Variants in FLRT1 observed in about 807,000 individuals in gnomAD.
FLRT1 encodes leucine-rich repeat transmembrane protein FLRT1.
A neutral mutation model predicts 30.9 loss-of-function variants in FLRT1; 14 were observed. That is an observed-to-expected ratio of 0.45 (90% confidence interval 0.30 to 0.71). The LOEUF (loss-of-function observed/expected upper bound fraction) is 0.71. Ranked by LOEUF, FLRT1 falls within the 30% of genes least tolerant of loss-of-function variation. FLRT1 has a pLI of 0.08. For synonymous variants in FLRT1, 368 were observed against 430.4 expected, an observed-to-expected ratio of 0.85 and a Z score of 1.80; for missense variants, 737 against 949.2, an observed-to-expected ratio of 0.78 and a Z score of 2.94.
At chr11:64,040,424 C>A (rs320144) in intron 1 of FLRT1, among the ~76,000 whole-genome samples, 8 of 152,196 alleles carry the variant, frequency 5.3e-5, no homozygotes, top group African/African-American at 1.7e-4. Context: ...TCAAGGCACC[C>A]GGCCAGGGCT....
At chr11:64,114,931 G>A (rs1225871258) in intron 2 of FLRT1, among the ~76,000 whole-genome samples, 1 of 152,214 alleles carries the variant, frequency 6.6e-6, no homozygotes, top group East Asian at 1.9e-4. Context: ...AGCAGCTCAG[G>A]AATAGAGAAG....
intron 2 of FLRT1, among the ~76,000 whole-genome samples, chr11:64,111,240 A>C (rs1023836336): frequency 2.0e-5 from 3 of 152,214 alleles, no homozygotes; most frequent in African/African-American, 7.2e-5. Context: ...ACTGCTCAGA[A>C]CAGCTGAGTA....
chr11:64,106,771 T>C (rs982660520), intron 2 of FLRT1, among the ~76,000 whole-genome samples: 1 of 152,250 alleles, frequency 6.6e-6, no homozygotes, highest in African/African-American at 2.4e-5. Context: ...TCTGGAGGAC[T>C]GTCCCCAGCC....
intron 1 of FLRT1, among the ~76,000 whole-genome samples, chr11:64,094,414 G>C (rs1268283042): frequency 6.7e-6 from 1 of 149,746 alleles, no homozygotes; most frequent in East Asian, 2.0e-4. Context: ...CTGGGCGACA[G>C]AGTGAGACTC....
chr11:64,088,465 G>A (rs1173994135), intron 1 of FLRT1, among the ~76,000 whole-genome samples: 1 of 152,180 alleles, frequency 6.6e-6, no homozygotes, highest in African/African-American at 2.4e-5. Context: ...CTGGGGCAGG[G>A]CAGGCGCTCA....
At chr11:64,087,620 C>T (rs1197430698) in intron 1 of FLRT1, among the ~76,000 whole-genome samples, 4 of 152,190 alleles carry the variant, frequency 2.6e-5, no homozygotes, top group Admixed American at 6.5e-5. Flanking sequence ...TGGCCTTGCC[C>T]GCGGCCCCAG....
Position 64,116,925 on chromosome 11 carries a change from G to A in FLRT1, c.658G>A (p.Gly220Ser), listed in dbSNP as rs1275778996. The A allele has an allele frequency of 3.1e-6, 5 of 1,611,422 alleles. No individual in the cohort carries two copies. The highest frequency in any genetic ancestry group is 4.2e-6 in the Non-Finnish European group (5 of 1,180,014). ...CACCATCCCGCTGCATGCCTTCAAG[G>A]GCCTCAACAGCCTGCGGCGCCTGGT... is the stretch of plus-strand genomic sequence containing the variant. Reference protein sequence around the residue: ...ISTIPLHAFKGLNSLRRLVLD... With the variant: ...ISTIPLHAFKSLNSLRRLVLD... The change falls in exon 3 of 3, where the codon GGC (glycine) becomes AGC (serine). Residue 220 changes from glycine (G) to serine (S), a missense_variant. Coordinates refer to ENST00000682287, the MANE Select transcript of FLRT1 (RefSeq NM_013280.5).
In FLRT1 at chr11:64,118,185, CCCTCCAACGGCAGCAG is replaced by C. The variant is rs1379541651; in HGVS notation, c.1923_1938del (p.Asn642AlafsTer23). ...AGAGTACGTGGTCCACACTATCTTC[CCCTCCAACGGCAGCAG>C]CCTCTGCAAGGCCACACACACCATT... is the stretch of plus-strand genomic sequence containing the variant. On this transcript the variant is annotated frameshift_variant, in exon 3 of 3. Transcript: ENST00000682287. LOFTEE classifies it high-confidence loss of function. The C allele has an allele frequency of 6.2e-7, 1 of 1,613,456 alleles. No homozygotes were observed. Among genetic ancestry groups the C allele is most frequent in the Non-Finnish European group, 8.5e-7 (1 of 1,179,974 alleles).
chr11:64,037,658 T>C (rs1273459218), intron 1 of FLRT1, among the ~76,000 whole-genome samples: 1 of 152,080 alleles, frequency 6.6e-6, no homozygotes, highest in Non-Finnish European at 1.5e-5. Flanking sequence ...TGTGTGTGTG[T>C]GTGCGCACCC....
At chr11:64,054,714 A>T (rs1170762471) in intron 1 of FLRT1, among the ~76,000 whole-genome samples, 1 of 152,058 alleles carries the variant, frequency 6.6e-6, no homozygotes, top group Non-Finnish European at 1.5e-5. Context: ...TCTTGCTCCC[A>T]AATCAACAAA....
intron 1 of FLRT1, among the ~76,000 whole-genome samples, chr11:64,061,250 G>A (rs1943897619): frequency 6.6e-6 from 1 of 152,216 alleles, no homozygotes; most frequent in Admixed American, 6.5e-5. Flanking sequence ...GCGATCACGC[G>A]GTGTAATTGC....
At chr11:64,114,356 G>GTGGACAGATGGATGGATGC (rs1944930330) in intron 2 of FLRT1, among the ~76,000 whole-genome samples, 2 of 110,610 alleles carry the variant, frequency 1.8e-5, no homozygotes, top group Non-Finnish European at 4.5e-5. Flanking sequence ...TGGATGGATG[G>GTGGACAGATGGATGGATGC]ATGGACAGGT....
chr11:64,064,903 T>C lies in FLRT1; in HGVS notation c.-1038+28744T>C, dbSNP rs2134447002. ...GATGAGTGCTTCCAGAGCCCACCTA[T>C]GACGTGCCAGGCAAGGCGGCAGGCA... On this transcript the variant is annotated intron_variant, in intron 1 of 2. Coordinates refer to ENST00000682287, the MANE Select transcript of FLRT1 (RefSeq NM_013280.5). This position sits in a 1 kb window ranked among gnomAD's most constrained non-coding sequence, Gnocchi z 4.5. Among the ~76,000 whole-genome samples, 1 of 152,222 alleles carries C rather than the reference T, an allele frequency of 6.6e-6. No homozygotes were observed. The highest frequency in any genetic ancestry group is 2.4e-5 in the African/African-American group (1 of 41,556).
chr11:64,059,899 A>G (rs1188100883), intron 1 of FLRT1, among the ~76,000 whole-genome samples: 2 of 151,622 alleles, frequency 1.3e-5, no homozygotes. Flanking sequence ...CGAGGAGGCG[A>G]GGCGAGGCTG....
intron 1 of FLRT1, among the ~76,000 whole-genome samples, chr11:64,054,601 C>G (rs76873326): frequency 0.028 from 4,337 of 152,240 alleles, 203 homozygotes; most frequent in African/African-American, 0.097. Context: ...GGGCAAGCCA[C>G]GGTTCCTGGG....
intron 1 of FLRT1, among the ~76,000 whole-genome samples, chr11:64,049,942 T>G (rs887364509): frequency 2.6e-5 from 4 of 152,224 alleles, no homozygotes; most frequent in Non-Finnish European, 5.9e-5. Flanking sequence ...CAAACCTCTC[T>G]CAGAGCCCTC....
At chr11:64,094,266 TA>T (rs1944538513) in intron 1 of FLRT1, among the ~76,000 whole-genome samples, 1 of 152,002 alleles carries the variant, frequency 6.6e-6, no homozygotes, top group Admixed American at 6.6e-5. Flanking sequence ...ACGTCTCTAC[TA>T]AAAATACAAA....
intron 2 of FLRT1, among the ~76,000 whole-genome samples, chr11:64,113,498 TTGGA>T (rs1386202949): frequency 4.3e-5 from 5 of 117,094 alleles, no homozygotes; most frequent in African/African-American, 1.7e-4. Context: ...GGATGGATGG[TTGGA>T]TGGATGGATA....
rs1363749719 is a variant in FLRT1 at position 64,064,508 on chromosome 11, C to A, written c.-1038+28349C>A. On this transcript the variant is annotated intron_variant, in intron 1 of 2. Transcript: ENST00000682287. This position sits in a 1 kb window ranked among gnomAD's most constrained non-coding sequence, Gnocchi z 4.5. ...GGCCTGCCCCGGATGGGCACGCAGG[C>A]AGGGTGCATATGTACGTATGTGCCT... is the stretch of plus-strand genomic sequence containing the variant. Among the ~76,000 whole-genome samples, 4 of 152,120 alleles carry A rather than the reference C, an allele frequency of 2.6e-5. No individual in the cohort carries two copies. Among genetic ancestry groups the A allele is most frequent in the African/African-American group, 9.7e-5 (4 of 41,434 alleles).
Sources: allele counts gnomAD v4.1 joint callset (sites outside exome capture counted in the v4.1 genomes callset), GRCh38; gene constraint gnomAD v4.1.1; non-coding constraint Gnocchi (gnomAD v3.1); transcripts MANE v1.5; gene names NCBI Gene and HGNC (gene_info 2026-07-23, HGNC 2026-07-21).